Variants in KLC4 observed in about 807,000 individuals in gnomAD.
The protein encoded by KLC4 is kinesin light chain 4.
KLC4 carries 49 observed loss-of-function variants against 77.2 expected under a neutral mutation model. That is an observed-to-expected ratio of 0.63 (90% CI 0.50 to 0.80). The LOEUF (loss-of-function observed/expected upper bound fraction) is 0.80, where lower values mean the gene tolerates loss of function less well. KLC4 is among the 30% of genes least tolerant of loss of function. KLC4 has a pLI of 0.00. For synonymous variants in KLC4, 274 were observed against 314.5 expected (o/e 0.87, Z 1.36); for missense variants, 669 against 793.5 (o/e 0.84, Z 1.89).
At chr6:43,071,827 T>C in intron 10 of KLC4, 25 bp from the exon 11 acceptor site, 1 of 1,608,516 alleles carries the variant, frequency 6.2e-7, no homozygotes, top group South Asian at 1.1e-5. Flanking sequence ...CCTGCCCTTC[T>C]TTCTGGCCTC....
chr6:43,073,068 G>C (rs1765808832), intron 13 of KLC4, 104 bp downstream of exon 13: 1 of 1,431,814 alleles, frequency 7.0e-7, no homozygotes, highest in African/African-American at 1.4e-5. Context: ...ATTCCTTCAG[G>C]GGTATCTCTG....
At chr6:43,067,192 C>A in intron 6 of KLC4, 109 bp downstream of exon 6, 1 of 1,419,970 alleles carries the variant, frequency 7.0e-7, no homozygotes, top group Non-Finnish European at 9.4e-7. Flanking sequence ...ACTAAGGGTG[C>A]TGAGGAAGGA....
chr6:43,070,933 G>GGGC, intron 8 of KLC4, 68 bp downstream of exon 8: 5 of 360,516 alleles, frequency 1.4e-5, no homozygotes, highest in South Asian at 4.5e-5. Flanking sequence ...GGGAGGGGGG[G>GGGC]CAGGCGGAGA....
At chr6:43,074,374 G>A (rs1312031022) in intron 15 of KLC4, 14 of 526,170 alleles carry the variant, frequency 2.7e-5, no homozygotes, top group Non-Finnish European at 4.7e-5. Flanking sequence ...ATGACTTCTT[G>A]TATCAACACA....
intron 1 of KLC4, chr6:43,059,901 C>A (rs1043011471): frequency 2.8e-4 from 346 of 1,249,406 alleles, no homozygotes; most frequent in Non-Finnish European, 3.3e-4. Flanking sequence ...ACTCAGTGAC[C>A]TCGGGGTCGT....
chr6:43,072,654 A>G (rs1765787564), intron 12 of KLC4, 170 bp from the exon 13 acceptor site: 1 of 630,016 alleles, frequency 1.6e-6, no homozygotes, highest in Non-Finnish European at 2.8e-6. Context: ...AGATCTATAT[A>G]TAGCAATGCA....
In KLC4 at chr6:43,071,628, G is replaced by A. The variant is rs1765734240; in HGVS notation, c.1308+9G>A. 1 of 1,613,258 alleles carries A rather than the reference G, an allele frequency of 6.2e-7. No homozygotes were observed. The highest frequency in any genetic ancestry group is 1.3e-5 in the African/African-American group (1 of 74,882). ...GGGAGGAAATGAGCAAAGTGAGTGG[G>A]GGGAAGGGGGGCCAGCCTGGGGAGC... On this transcript the variant is annotated intron_variant, in intron 10 of 15. Transcript: ENST00000347162.
chr6:43,066,670 T>C, intron 5 of KLC4, 145 bp downstream of exon 5: 1 of 700,932 alleles, frequency 1.4e-6, no homozygotes, highest in Non-Finnish European at 2.4e-6. Context: ...CTTCTTTATG[T>C]GCCAGAACTC....
intron 3 of KLC4, among the ~76,000 whole-genome samples, chr6:43,063,579 GTTTCACACTTGT>G (rs1254162175): frequency 2.7e-5 from 4 of 149,744 alleles, no homozygotes; most frequent in Middle Eastern, 3.4e-3. Flanking sequence ...TTGAGACGGA[GTTTCACACTTGT>G]TGCCTAGGCT....
Position 43,073,915 on chromosome 6 carries a change from C to A in KLC4, c.1759C>A (p.Arg587=). The A allele has an allele frequency of 6.2e-7, 1 of 1,613,944 alleles. No homozygotes were observed. Among genetic ancestry groups the A allele is most frequent in the East Asian group, 2.2e-5 (1 of 44,878 alleles). Reference sequence around the variant, plus strand: ...TTTCCATTGTAGCAGCAACATGAAGCGAGCAGCCTCCTTGAACTATCTGAA... The same window carrying A: ...TTTCCATTGTAGCAGCAACATGAAGAGAGCAGCCTCCTTGAACTATCTGAA... ...EPRPSSSNMK[R]AASLNYLNQP... is the part of the protein sequence containing the mutation. Residue 587 remains arginine (R), a synonymous_variant, in exon 15 of 16, where the codon CGA becomes AGA. Transcript: ENST00000347162.
intron 1 of KLC4, 61 bp downstream of exon 1, chr6:43,059,746 C>G: frequency 1.6e-6 from 2 of 1,221,734 alleles, no homozygotes; most frequent in Non-Finnish European, 2.0e-6. Context: ...CTTATTCTCG[C>G]ACTACCAGAA....
chr6:43,060,377 A>T, intron 1 of KLC4: 79 of 1,184,746 alleles, frequency 6.7e-5, no homozygotes, highest in East Asian at 3.9e-4. Flanking sequence ...GGAGACGGGA[A>T]TTGGGCGTCT....
chr6:43,071,124 G>A (rs1765700431), intron 8 of KLC4, 151 bp from the exon 9 acceptor site: 1 of 640,858 alleles, frequency 1.6e-6, no homozygotes, highest in Non-Finnish European at 2.7e-6. Flanking sequence ...GGAGAAGGAG[G>A]TGTGAGAAAG....
intron 2 of KLC4, among the ~76,000 whole-genome samples, chr6:43,061,924 G>A (rs1019605484): frequency 2.7e-4 from 41 of 152,208 alleles, no homozygotes; most frequent in Non-Finnish European, 5.9e-4. Context: ...ACTAGGGACT[G>A]TGGGGAGAGG....
At chr6:43,064,352 T>C (rs540157915) in intron 3 of KLC4, among the ~76,000 whole-genome samples, 61 of 152,318 alleles carry the variant, frequency 4.0e-4, no homozygotes, top group Non-Finnish European at 7.2e-4. Flanking sequence ...AGTGAGACCC[T>C]GTCTCCACAA....
intron 14 of KLC4, chr6:43,073,636 A>C: frequency 1.9e-6 from 1 of 531,882 alleles, no homozygotes; most frequent in South Asian, 2.3e-5. Flanking sequence ...GACAACAGCG[A>C]GACTCCGTCT....
At position 43,067,938 on chromosome 6, in the gene KLC4, C is replaced by G. The variant is rs1444304101; in HGVS notation, c.879+855C>G. Among the ~76,000 whole-genome samples the G allele has an allele frequency of 6.1e-5, 7 of 114,562 alleles. 2 individuals carry two copies. The highest frequency in any genetic ancestry group is 2.6e-4 in the Admixed American group (3 of 11,758). The allele number at this position is 114,562 out of a possible 152,430, so 75.2% of individuals were successfully genotyped here. A position where few individuals can be genotyped will look rare whatever the true frequency, so the allele number is the denominator to read the frequency against. ...CCATCCTGGCTAAAACGGTGAAACC[C>G]CGTCTCTACTAAAAATACAAAAAAT... On this transcript the variant is annotated intron_variant, in intron 6 of 15. Coordinates refer to ENST00000347162, the MANE Select transcript of KLC4 (RefSeq NM_201521.3).
At chr6:43,060,527 T>C in intron 1 of KLC4, 2 of 1,287,676 alleles carry the variant, frequency 1.6e-6, no homozygotes, top group Non-Finnish European at 2.0e-6. Context: ...GGGCAGATCC[T>C]CTGACTCTCT....
chr6:43,072,047 C>T, intron 11 of KLC4, 100 bp from the exon 12 acceptor site: 1 of 1,394,946 alleles, frequency 7.2e-7, no homozygotes, highest in South Asian at 1.2e-5. Flanking sequence ...GTTCCCTCTC[C>T]TATTTTCTTA....
Sources: allele counts gnomAD v4.1 joint callset (sites outside exome capture counted in the v4.1 genomes callset), GRCh38; gene constraint gnomAD v4.1.1; transcripts MANE v1.5; gene names NCBI Gene and HGNC (gene_info 2026-07-23, HGNC 2026-07-21).